The following GRIP1 variants were observed in gnomAD, a reference collection of about 807,000 sequenced individuals.
GRIP1 encodes glutamate receptor-interacting protein 1.
A neutral mutation model predicts 129.9 loss-of-function variants in GRIP1; 45 were observed. The ratio of observed to expected loss-of-function variants is 0.35; its 90% CI spans 0.27 to 0.44. The LOEUF is 0.44. Ranked by LOEUF, GRIP1 falls within the 20% of genes least tolerant of loss-of-function variation. The pLI is 1.00. For missense variants in GRIP1, 1,196 were observed against 1,396.8 expected, an observed-to-expected ratio of 0.86 and a Z score of 2.29; for synonymous variants, 530 against 520.8, an observed-to-expected ratio of 1.02 and a Z score of -0.24.
At chr12:66,369,618 C>T (rs140759321) in intron 23 of GRIP1, among the ~76,000 whole-genome samples, 1 of 152,076 alleles carries the variant, frequency 6.6e-6, no homozygotes, top group Admixed American at 6.5e-5. Flanking sequence ...ACTTGCTAGG[C>T]ACTCATTATG....
Position 66,464,625 on chromosome 12 carries a change from C to T in GRIP1, c.872+650G>A, listed in dbSNP as rs78220010. Among the ~76,000 whole-genome samples the T allele has an allele frequency of 1.6e-4, 25 of 152,276 alleles. No homozygotes were observed. In the East Asian group the frequency reaches 4.8e-3, roughly 29 times the overall value. ...CTACTCAGCTACCCTACATTAAGAA[C>T]AGGCTAGTGCCCTAGGACACAGTAA... On this transcript the variant is annotated intron_variant, in intron 8 of 24. Transcript: ENST00000359742.
chr12:66,703,020 A>G (rs1056548772), intron 1 of GRIP1, among the ~76,000 whole-genome samples: 18 of 152,194 alleles, frequency 1.2e-4, no homozygotes, highest in Non-Finnish European at 1.9e-4. Flanking sequence ...GAAGATGGAC[A>G]TGTAAGTCAC....
At chr12:67,048,738 T>G (rs2043293861) in intron 1 of GRIP1, among the ~76,000 whole-genome samples, 1 of 152,170 alleles carries the variant, frequency 6.6e-6, no homozygotes, top group South Asian at 2.1e-4. Flanking sequence ...GCTGTTCTCA[T>G]GATAGTGAAT....
intron 1 of GRIP1, among the ~76,000 whole-genome samples, chr12:66,646,440 A>G (rs578132473): frequency 1.6e-4 from 25 of 152,308 alleles, no homozygotes; most frequent in Admixed American, 7.2e-4. Flanking sequence ...CCTGGCCAAC[A>G]TGGCAAAACT....
intron 1 of GRIP1, among the ~76,000 whole-genome samples, chr12:66,946,768 G>A (rs1168295378): frequency 2.6e-5 from 3 of 113,836 alleles, no homozygotes; most frequent in Non-Finnish European, 5.3e-5. Context: ...GCGGGGGTCG[G>A]GGGGTGGGGT....
rs367601575 is a variant in GRIP1, at chr12:66,389,748, A to C, written c.2464+2560T>G. 2.6e-5 allele frequency among the ~76,000 whole-genome samples: 4 copies of C among 152,316 alleles called. No homozygotes were observed. The East Asian group carries it at 7.7e-4, about 29-fold the overall frequency. ...CCTGTCTTCAATGATGCCAGTGACC[A>C]GCTTGCTTTGCTCCGGGCTGTCGGG... On this transcript the variant is annotated intron_variant, in intron 19 of 24. Coordinates refer to ENST00000359742, the MANE Select transcript of GRIP1 (RefSeq NM_001366722.1).
chr12:66,436,064 A>G (rs2058293854), intron 13 of GRIP1, among the ~76,000 whole-genome samples: 1 of 152,262 alleles, frequency 6.6e-6, no homozygotes, highest in Admixed American at 6.5e-5. Flanking sequence ...CATAGAATCT[A>G]AGAACAAATG....
At chr12:66,649,270 G>A (rs1002784326) in intron 1 of GRIP1, among the ~76,000 whole-genome samples, 1 of 152,254 alleles carries the variant, frequency 6.6e-6, no homozygotes, top group African/African-American at 2.4e-5. Flanking sequence ...TCTACCAGGA[G>A]GCAACCCACT....
intron 1 of GRIP1, among the ~76,000 whole-genome samples, chr12:66,931,588 T>C (rs1202853086): frequency 1.3e-5 from 2 of 152,214 alleles, no homozygotes; most frequent in Non-Finnish European, 2.9e-5. Context: ...ATAGGCATTA[T>C]TGCCCTTTTT....
intron 1 of GRIP1, among the ~76,000 whole-genome samples, chr12:67,060,824 CA>C (rs11300344): frequency 0.72 from 75,104 of 104,472 alleles, 26,243 homozygotes; most frequent in South Asian, 0.83. Flanking sequence ...AACTCCGTCT[CA>C]AAAAAAAAAA....
chr12:66,997,703 C>T (rs79916902), intron 1 of GRIP1, among the ~76,000 whole-genome samples: 25 of 152,090 alleles, frequency 1.6e-4, no homozygotes, highest in African/African-American at 4.3e-4. Flanking sequence ...TTGGTCAAGA[C>T]GGAAAAAGGA....
chr12:66,886,299 TA>T (rs765440636), intron 1 of GRIP1, among the ~76,000 whole-genome samples: 132 of 152,154 alleles, frequency 8.7e-4, no homozygotes, highest in Non-Finnish European at 1.7e-3. Flanking sequence ...CCCCAAATCC[TA>T]TATAATTGAG....
chr12:66,728,524 G>T (rs2036327037), intron 1 of GRIP1, among the ~76,000 whole-genome samples: 1 of 152,144 alleles, frequency 6.6e-6, no homozygotes, highest in Non-Finnish European at 1.5e-5. Flanking sequence ...CTCTGGAAGG[G>T]CACTTCCCAG....
intron 1 of GRIP1, among the ~76,000 whole-genome samples, chr12:67,002,077 G>GA (rs2042559221): frequency 6.6e-6 from 1 of 152,092 alleles, no homozygotes; most frequent in Non-Finnish European, 1.5e-5. Flanking sequence ...TAAATCCAGA[G>GA]AAAAATGTGA....
chr12:66,498,722 T>G (rs1175247457), intron 7 of GRIP1, among the ~76,000 whole-genome samples: 1 of 152,170 alleles, frequency 6.6e-6, no homozygotes, highest in Non-Finnish European at 1.5e-5. Context: ...TATTTGAGAT[T>G]TCTTATCTTT....
intron 15 of GRIP1, among the ~76,000 whole-genome samples, chr12:66,406,711 G>A (rs1389779124): frequency 6.6e-6 from 1 of 152,140 alleles, no homozygotes; most frequent in Admixed American, 6.5e-5. Context: ...TCCTAGGAAG[G>A]GAGGTAATGG....
chr12:66,573,122 C>A (rs991413854), intron 2 of GRIP1, among the ~76,000 whole-genome samples: 3 of 150,902 alleles, frequency 2.0e-5, no homozygotes, highest in Admixed American at 2.0e-4. Flanking sequence ...ATATATATGC[C>A]GACTGTAGCA....
chr12:66,445,630 T>C (rs2058601064), intron 11 of GRIP1, 122 bp from the exon 12 acceptor site: 3 of 644,892 alleles, frequency 4.7e-6, no homozygotes, highest in South Asian at 1.9e-5. Flanking sequence ...GGTTAAATTA[T>C]GGCCTCTGGT....
chr12:66,993,903 A>G (rs750556817), intron 1 of GRIP1, among the ~76,000 whole-genome samples: 27 of 152,282 alleles, frequency 1.8e-4, no homozygotes, highest in Middle Eastern at 6.8e-3. Flanking sequence ...CAAATTGGAT[A>G]ATTTAGATTA....
Sources: allele counts gnomAD v4.1 joint callset (sites outside exome capture counted in the v4.1 genomes callset), GRCh38; gene constraint gnomAD v4.1.1; transcripts MANE v1.5; gene names NCBI Gene and HGNC (gene_info 2026-07-23, HGNC 2026-07-21).